Variants in DCLRE1C observed in about 807,000 individuals in gnomAD.
DCLRE1C encodes the protein protein artemis.
A neutral mutation model predicts 61.4 loss-of-function variants in DCLRE1C; 47 were observed. The ratio of observed to expected loss-of-function variants is 0.77; its 90% CI spans 0.61 to 0.98. The LOEUF is 0.98. Ranked by LOEUF, DCLRE1C falls within the 50% of genes least tolerant of loss-of-function variation. The pLI, the probability that DCLRE1C is intolerant of heterozygous loss-of-function variation, is 0.00. For missense variants in DCLRE1C, 858 were observed against 816.0 expected (o/e 1.05, Z -0.63); for synonymous variants, 337 against 287.6 (o/e 1.17, Z -1.74).
intron 4 of DCLRE1C, among the ~76,000 whole-genome samples, chr10:14,937,379 G>A (rs1044152614): frequency 3.4e-5 from 5 of 149,174 alleles, no homozygotes; most frequent in African/African-American, 9.9e-5. Context: ...TCTGCCTCCT[G>A]GGTTCAAGTA....
chr10:14,916,393 T>C (rs1734844282), intron 13 of DCLRE1C, among the ~76,000 whole-genome samples: 1 of 152,220 alleles, frequency 6.6e-6, no homozygotes, highest in Admixed American at 6.5e-5. Flanking sequence ...GGTTGCAGGA[T>C]ACAAGATCAA....
chr10:14,934,229 G>A (rs1839497286), intron 8 of DCLRE1C, 151 bp downstream of exon 8: 1 of 1,163,648 alleles, frequency 8.6e-7, no homozygotes, highest in East Asian at 2.6e-5. Flanking sequence ...TCAGGAGGCT[G>A]AGCCAGGAGA....
chr10:14,931,210 A>G (rs544886834), intron 9 of DCLRE1C, among the ~76,000 whole-genome samples: 2 of 152,358 alleles, frequency 1.3e-5, no homozygotes, highest in South Asian at 4.1e-4. Flanking sequence ...AGCAAATTCA[A>G]AATGAAAGTC....
intron 2 of DCLRE1C, among the ~76,000 whole-genome samples, chr10:14,948,394 C>T (rs1841993064): frequency 6.6e-6 from 1 of 152,140 alleles, no homozygotes; most frequent in Non-Finnish European, 1.5e-5. Flanking sequence ...TAGGCAATGG[C>T]TGCAAGAGAA....
At chr10:14,944,357 G>T (rs569447151) in intron 3 of DCLRE1C, among the ~76,000 whole-genome samples, 2 of 151,978 alleles carry the variant, frequency 1.3e-5, no homozygotes, top group African/African-American at 4.8e-5. Flanking sequence ...ATATTAGCCG[G>T]GTATGGTGGT....
chr10:14,941,071 T>A (rs560748345), intron 3 of DCLRE1C, among the ~76,000 whole-genome samples: 2 of 152,082 alleles, frequency 1.3e-5, no homozygotes, highest in South Asian at 4.2e-4. Context: ...AGAGATGGGG[T>A]TTCACCATAT....
At chr10:14,953,653 A>T (rs1752296720) in intron 1 of DCLRE1C, among the ~76,000 whole-genome samples, 1 of 152,164 alleles carries the variant, frequency 6.6e-6, no homozygotes, top group Admixed American at 6.5e-5. Flanking sequence ...ACCAAGAGAA[A>T]CTACTAGCAG....
At chr10:14,937,955 T>C (rs1010097652) in intron 4 of DCLRE1C, among the ~76,000 whole-genome samples, 1 of 148,916 alleles carries the variant, frequency 6.7e-6, no homozygotes, top group African/African-American at 2.5e-5. Flanking sequence ...CGATTCACAC[T>C]GCACATCATA....
chr10:14,907,951 T>C lies in DCLRE1C; in HGVS notation c.*457A>G, dbSNP rs1351185753. ...ATCTCAGCTCACTGCAACCACCACC[T>C]CCCAGGTTCAAGTGATTCTCCTGCC... On this transcript the variant is annotated 3_prime_UTR_variant, in exon 14 of 14. Transcript: ENST00000378278. 7.3e-6 allele frequency: 1 copy of C among 136,248 alleles called. No homozygotes were observed. The highest frequency in any genetic ancestry group is 2.8e-5 in the African/African-American group (1 of 35,356). 8.4% of individuals were successfully genotyped at this position (136,248 alleles called of 1,614,324 possible).
chr10:14,927,862 G>A (rs1589017971), intron 10 of DCLRE1C, among the ~76,000 whole-genome samples, 154 bp downstream of exon 10: 2 of 152,070 alleles, frequency 1.3e-5, no homozygotes, highest in East Asian at 3.9e-4. Flanking sequence ...TTTGGGAGTA[G>A]CATCCCCTCC....
intron 4 of DCLRE1C, among the ~76,000 whole-genome samples, chr10:14,938,435 T>C (rs1423144397): frequency 2.0e-5 from 3 of 152,174 alleles, no homozygotes; most frequent in Admixed American, 6.5e-5. Context: ...ACTTCAACTG[T>C]CTGATCTTCA....
At chr10:14,899,793 C>A, downstream of DCLRE1C, 1 of 1,307,818 alleles carries the variant, frequency 7.6e-7, no homozygotes. Context: ...TTAACATTTC[C>A]AAAATATGTA....
At chr10:14,912,849 T>C (rs1835497884) in intron 13 of DCLRE1C, among the ~76,000 whole-genome samples, 1 of 151,846 alleles carries the variant, frequency 6.6e-6, no homozygotes, top group Non-Finnish European at 1.5e-5. Flanking sequence ...ACCTGGCTAA[T>C]TTTTTGTGTT....
At chr10:14,930,322 G>A (rs535401263) in intron 9 of DCLRE1C, among the ~76,000 whole-genome samples, 98 of 143,300 alleles carry the variant, frequency 6.8e-4, no homozygotes, top group Middle Eastern at 3.7e-3. Context: ...TTGTAGTGAC[G>A]GGGTTTCACC....
At chr10:14,910,703 G>A (rs1588905813) in intron 13 of DCLRE1C, among the ~76,000 whole-genome samples, 2 of 152,330 alleles carry the variant, frequency 1.3e-5, no homozygotes, top group African/African-American at 4.8e-5. Flanking sequence ...AAAAAGGAGT[G>A]TGGATTGGGT....
chr10:14,927,491 A>G (rs1323190536), intron 10 of DCLRE1C, among the ~76,000 whole-genome samples: 1 of 144,620 alleles, frequency 6.9e-6, no homozygotes, highest in Non-Finnish European at 1.5e-5. Context: ...CATTATAGTC[A>G]CTCCTCTATT....
intron 10 of DCLRE1C, among the ~76,000 whole-genome samples, chr10:14,927,467 T>C (rs981185493): frequency 6.7e-6 from 1 of 148,580 alleles, no homozygotes; most frequent in Non-Finnish European, 1.5e-5. Flanking sequence ...GAAATGTTGC[T>C]AAAATATTAA....
downstream of DCLRE1C, chr10:14,901,183 T>C: frequency 6.2e-7 from 1 of 1,614,076 alleles, no homozygotes; most frequent in Non-Finnish European, 8.5e-7. Flanking sequence ...ACCTCGATAC[T>C]CGTCTTCCCC....
rs964867351 is a variant in DCLRE1C at position 14,907,759 on chromosome 10, G to A, written c.*649C>T. On this transcript the variant is annotated 3_prime_UTR_variant, in exon 14 of 14. Coordinates refer to ENST00000378278, the MANE Select transcript of DCLRE1C (RefSeq NM_001033855.3). Reference sequence around the variant, plus strand: ...TATAGACAGCAGATCACTGGGTTATGTTGGTTTTTTCCGTGTCTCTTGTCA... The same window carrying A: ...TATAGACAGCAGATCACTGGGTTATATTGGTTTTTTCCGTGTCTCTTGTCA... 2.0e-5 allele frequency: 3 copies of A among 149,988 alleles called. No homozygotes were observed. Among genetic ancestry groups the A allele is most frequent in the Non-Finnish European group, 3.0e-5 (2 of 67,636 alleles). 9.3% of individuals were successfully genotyped at this position (149,988 alleles called of 1,614,324 possible). A position where few individuals can be genotyped will look rare whatever the true frequency, so the allele number is the denominator to read the frequency against.
Sources: gnomAD v4.1 joint callset for allele counts (sites outside exome capture counted in the v4.1 genomes callset) on GRCh38, gnomAD v4.1.1 for gene constraint, MANE v1.5 for transcripts, NCBI Gene and HGNC (gene_info 2026-07-23, HGNC 2026-07-21) for gene names.